Variants in SNX6 observed in about 807,000 individuals in gnomAD.
The protein encoded by SNX6 is sorting nexin-6.
SNX6 carries 34 observed loss-of-function variants against 63.0 expected under a neutral mutation model. The ratio of observed to expected loss-of-function variants is 0.54; its 90% CI spans 0.41 to 0.72. The LOEUF (loss-of-function observed/expected upper bound fraction) is 0.72, where lower values mean the gene tolerates loss of function less well. Among genes scored for constraint, SNX6 ranks in the 30% least tolerant of loss-of-function variants. The pLI, the probability that SNX6 is intolerant of heterozygous loss-of-function variation, is 0.00. For missense variants in SNX6, 398 were observed against 471.4 expected (o/e 0.84, Z 1.44); for synonymous variants, 170 against 164.2 (o/e 1.04, Z -0.27).
chr14:34,628,616 G>C (rs547193231), intron 2 of SNX6, among the ~76,000 whole-genome samples: 3 of 152,204 alleles, frequency 2.0e-5, no homozygotes, highest in South Asian at 4.2e-4. Context: ...GCAACAAAGG[G>C]AGATACTGTC....
rs1234458816 is a variant in SNX6, at chr14:34,630,102, A to G, written c.6+9T>C. ...GCTCCCGGGACTCGGCGCCGCGGAG[A>G]ACACCCACCATCATGGCTGCTCCGA... On this transcript the variant is annotated intron_variant, in intron 1 of 13. Transcript: ENST00000362031. 6.9e-7 allele frequency: 1 copy of G among 1,443,704 alleles called. No homozygotes were observed. The highest frequency in any genetic ancestry group is 1.4e-5 in the South Asian group (1 of 71,472). The allele number at this position is 1,443,704 out of a possible 1,614,324, so 89.4% of individuals were successfully genotyped here.
intron 10 of SNX6, among the ~76,000 whole-genome samples, chr14:34,579,476 C>T (rs1881850341): frequency 6.6e-6 from 1 of 151,764 alleles, no homozygotes; most frequent in African/African-American, 2.4e-5. Flanking sequence ...GGCATGGTAA[C>T]ACACATCTGT....
Position 34,562,552 on chromosome 14 carries a change from C to T in SNX6, c.*570G>A, listed in dbSNP as rs1223294577. ...CAAGTTTAAGGCAAACATACTAATG[C>T]ATTTGCTTTTCTTCAGAAATCATAC... On this transcript the variant is annotated 3_prime_UTR_variant, in exon 14 of 14. Transcript: ENST00000362031. 6.6e-6 allele frequency: 1 copy of T among 152,610 alleles called. No individual in the cohort carries two copies. Among genetic ancestry groups the T allele is most frequent in the Non-Finnish European group, 1.5e-5 (1 of 68,070 alleles). 9.5% of individuals were successfully genotyped at this position (152,610 alleles called of 1,614,324 possible).
chr14:34,580,990 A>G (rs993513218), intron 10 of SNX6, among the ~76,000 whole-genome samples: 2 of 152,132 alleles, frequency 1.3e-5, no homozygotes, highest in Admixed American at 6.6e-5. Context: ...CTTAAAGGCA[A>G]TAACAAAAAA....
At chr14:34,590,409 C>T (rs1488543593) in intron 8 of SNX6, among the ~76,000 whole-genome samples, 1 of 145,534 alleles carries the variant, frequency 6.9e-6, no homozygotes, top group East Asian at 2.0e-4. Flanking sequence ...GCAGCCTGGG[C>T]GACAGAGCAA....
chr14:34,601,536 G>C (rs1036537532), intron 6 of SNX6, among the ~76,000 whole-genome samples: 1 of 150,686 alleles, frequency 6.6e-6, no homozygotes, highest in South Asian at 2.1e-4. Flanking sequence ...CTTCTTAAGA[G>C]GTTTGCAATT....
intron 2 of SNX6, among the ~76,000 whole-genome samples, chr14:34,613,436 T>G (rs1475072549): frequency 2.0e-5 from 3 of 152,230 alleles, no homozygotes; most frequent in African/African-American, 7.2e-5. Flanking sequence ...TCTGAGGTTT[T>G]CATTGCTTAG....
At chr14:34,580,078 A>C (rs1333477679) in intron 10 of SNX6, among the ~76,000 whole-genome samples, 1 of 152,080 alleles carries the variant, frequency 6.6e-6, no homozygotes, top group African/African-American at 2.4e-5. Context: ...TCAGCTACTC[A>C]GGAGGCAAGA....
rs1328946378 is a variant in SNX6, at chr14:34,567,761, A to T, written c.1092T>A (p.Asp364Glu). The T allele has an allele frequency of 6.2e-7, 1 of 1,613,514 alleles. No homozygotes were observed. The highest frequency in any genetic ancestry group is 8.5e-7 in the Non-Finnish European group (1 of 1,179,634). ...ISESAKQELI[D>E]FKTRRVAAFR... ...ATGCAGCAACTCTTCTTGTCTTAAA[A>T]TCTATAAGTTCTGTGAAAAAGAAAT... is the stretch of plus-strand genomic sequence containing the variant. Residue 364 changes from aspartate (D) to glutamate (E), a missense_variant, in exon 13 of 14, where the codon GAT (aspartate) becomes GAA (glutamate). By Grantham distance (45) the Asp-to-Glu change is conservative. Coordinates refer to ENST00000362031, the MANE Select transcript of SNX6 (RefSeq NM_152233.4).
At chr14:34,616,148 G>T (rs1429455475) in intron 2 of SNX6, among the ~76,000 whole-genome samples, 1 of 151,934 alleles carries the variant, frequency 6.6e-6, no homozygotes, top group Admixed American at 6.6e-5. Flanking sequence ...TAGAGAGGGG[G>T]TTTCACAATG....
At chr14:34,627,218 G>A (rs537254976) in intron 2 of SNX6, among the ~76,000 whole-genome samples, 5 of 152,166 alleles carry the variant, frequency 3.3e-5, no homozygotes, top group Admixed American at 2.0e-4. Context: ...AGGCAGAGGC[G>A]GGCGGATCAC....
chr14:34,617,442 C>A (rs1417587770), intron 2 of SNX6, among the ~76,000 whole-genome samples: 1 of 151,720 alleles, frequency 6.6e-6, no homozygotes, highest in East Asian at 1.9e-4. Context: ...GAGTTCGAGA[C>A]CAGCATGGGT....
intron 9 of SNX6, among the ~76,000 whole-genome samples, chr14:34,585,838 G>C (rs529298919): frequency 3.2e-4 from 48 of 151,880 alleles, no homozygotes; most frequent in Non-Finnish European, 5.9e-4. Flanking sequence ...CGGACCTCAG[G>C]TTTTCCACCT....
chr14:34,620,801 C>T (rs74760341), intron 2 of SNX6, among the ~76,000 whole-genome samples: 2 of 151,834 alleles, frequency 1.3e-5, no homozygotes, highest in African/African-American at 2.4e-5. Flanking sequence ...ATTAGTTGGG[C>T]GTGGTGGTGC....
chr14:34,581,573 G>C lies in SNX6; in HGVS notation c.822C>G (p.Phe274Leu). The C allele has an allele frequency of 6.8e-7, 1 of 1,461,174 alleles. No individual in the cohort carries two copies. The highest frequency in any genetic ancestry group is 1.2e-5 in the South Asian group (1 of 85,026). 90.5% of individuals were successfully genotyped at this position (1,461,174 alleles called of 1,614,324 possible). ...CKFFLKVSEL[F>L]DKTRKIEARV... ...ATTTAGTACTTACTCTTGTTTTATC[G>C]AACAGTTCTGAAACTTTGAGAAAAA... Residue 274 changes from phenylalanine (F) to leucine (L), a missense_variant, in exon 10 of 14, where the codon TTC becomes TTG. By Grantham distance (22) the Phe-to-Leu change is conservative. Coordinates refer to ENST00000362031, the MANE Select transcript of SNX6 (RefSeq NM_152233.4).
intron 9 of SNX6, 33 bp from the exon 10 acceptor site, chr14:34,581,633 A>G: frequency 1.5e-6 from 2 of 1,306,412 alleles, no homozygotes; most frequent in Non-Finnish European, 2.2e-6. Context: ...CATATTCTAC[A>G]TTCAAAGTAA....
At chr14:34,611,320 T>C (rs761138721) in intron 2 of SNX6, among the ~76,000 whole-genome samples, 1 of 152,174 alleles carries the variant, frequency 6.6e-6, no homozygotes, top group East Asian at 1.9e-4. Flanking sequence ...CTACAAAAAA[T>C]ACAAAAATTA....
rs574667904 is a variant in SNX6, at chr14:34,607,975, C to T, written c.270+55G>A. The T allele has an allele frequency of 1.7e-4, 153 of 876,782 alleles. 1 individual carries two copies. The African/African-American group carries it at 1.8e-3, about 10-fold the overall frequency. The allele number at this position is 876,782 out of a possible 1,614,324, so 54.3% of individuals were successfully genotyped here. A position where few individuals can be genotyped will look rare whatever the true frequency, so the allele number is the denominator to read the frequency against. ...TGCTAAACAAGATTCCAAAACATAA[C>T]GAAGTACCTAAAACCTCCTAGAAAA... On this transcript the variant is annotated intron_variant, in intron 4 of 13. Transcript: ENST00000362031.
intron 6 of SNX6, among the ~76,000 whole-genome samples, chr14:34,598,620 T>C (rs1428691371): frequency 6.6e-6 from 1 of 152,180 alleles, no homozygotes; most frequent in East Asian, 1.9e-4. Flanking sequence ...TGACCTCAGG[T>C]GATCCAACCA....
Sources: gnomAD v4.1 joint callset for allele counts (sites outside exome capture counted in the v4.1 genomes callset) on GRCh38, gnomAD v4.1.1 for gene constraint, MANE v1.5 for transcripts, NCBI Gene and HGNC (gene_info 2026-07-23, HGNC 2026-07-21) for gene names.